Variants in RIMS2 observed in about 807,000 individuals in gnomAD.
RIMS2 encodes the protein regulating synaptic membrane exocytosis protein 2.
RIMS2 carries 59 observed loss-of-function variants against 174.4 expected under a neutral mutation model. The observed-to-expected ratio is 0.34, with a 90% CI of 0.27 to 0.42. RIMS2 has a LOEUF of 0.42. Ranked by LOEUF, RIMS2 falls within the 10% of genes least tolerant of loss-of-function variation. RIMS2 has a pLI of 1.00. For missense variants in RIMS2, 1,620 were observed against 1,666.3 expected, an observed-to-expected ratio of 0.97 and a Z score of 0.48; for synonymous variants, 606 against 572.5, an observed-to-expected ratio of 1.06 and a Z score of -0.84.
At chr8:103,507,626 T>A (rs1824306650) in intron 1 of RIMS2, among the ~76,000 whole-genome samples, 2 of 152,110 alleles carry the variant, frequency 1.3e-5, no homozygotes, top group Admixed American at 6.6e-5. Context: ...ATTTTGCTTA[T>A]TTTACATGGA....
intron 15 of RIMS2, among the ~76,000 whole-genome samples, chr8:103,961,974 T>G (rs956177197): frequency 6.6e-6 from 1 of 152,162 alleles, no homozygotes; most frequent in Non-Finnish European, 1.5e-5. Flanking sequence ...ATACTCTTCA[T>G]GTATTGTGGT....
At chr8:103,550,904 A>T (rs1422787303) in intron 1 of RIMS2, among the ~76,000 whole-genome samples, 2 of 152,360 alleles carry the variant, frequency 1.3e-5, no homozygotes, top group South Asian at 2.1e-4. Context: ...ACCAGGAAGA[A>T]GTTGAATCCC....
chr8:103,793,029 C>T, intron 3 of RIMS2, among the ~76,000 whole-genome samples: 1 of 152,158 alleles, frequency 6.6e-6, no homozygotes, highest in East Asian at 1.9e-4. Flanking sequence ...ACCATTCCTT[C>T]TGAAACTATT....
chr8:104,251,972 A>G, downstream of RIMS2: 3 of 616,390 alleles, frequency 4.9e-6, no homozygotes, highest in Non-Finnish European at 5.7e-6. Context: ...TCTCAGAGGA[A>G]GTTGCACACA....
chr8:103,572,381 A>G (rs180951338), intron 1 of RIMS2, among the ~76,000 whole-genome samples: 1 of 150,082 alleles, frequency 6.7e-6, no homozygotes, highest in African/African-American at 2.5e-5. Flanking sequence ...CAGAGCACTG[A>G]TTGGTCCATT....
At chr8:104,099,962 G>T (rs766576738) in intron 19 of RIMS2, among the ~76,000 whole-genome samples, 1 of 151,554 alleles carries the variant, frequency 6.6e-6, no homozygotes, top group Non-Finnish European at 1.5e-5. Context: ...TGACTACAGG[G>T]TCACGCCATC....
chr8:103,860,582 A>T (rs969452231), intron 3 of RIMS2, among the ~76,000 whole-genome samples: 13 of 152,190 alleles, frequency 8.5e-5, no homozygotes, highest in Admixed American at 3.9e-4. Context: ...AGCAAATAGT[A>T]CATATTCAAT....
At chr8:103,598,269 A>T (rs74452169) in intron 1 of RIMS2, among the ~76,000 whole-genome samples, 3,390 of 152,226 alleles carry the variant, frequency 0.022, 61 homozygotes, top group Middle Eastern at 0.065. Flanking sequence ...TAATTTAGTA[A>T]AACTACTATA....
intron 15 of RIMS2, among the ~76,000 whole-genome samples, chr8:103,965,504 C>T (rs1249356494): frequency 6.6e-6 from 1 of 152,092 alleles, no homozygotes; most frequent in East Asian, 1.9e-4. Context: ...TACAACATTT[C>T]TATAATCACT....
chr8:103,899,812 G>T (rs1179827548), intron 4 of RIMS2, among the ~76,000 whole-genome samples: 2 of 151,660 alleles, frequency 1.3e-5, no homozygotes, highest in Admixed American at 6.5e-5. Context: ...TGTCCTGAAT[G>T]GTATTACCTA....
At chr8:104,165,643 C>T (rs949845371) in intron 19 of RIMS2, among the ~76,000 whole-genome samples, 7 of 151,500 alleles carry the variant, frequency 4.6e-5, no homozygotes, top group African/African-American at 1.5e-4. Context: ...TCTGTCCTTG[C>T]TATCAACTGC....
chr8:103,758,509 A>C lies in RIMS2; in HGVS notation c.388-7718A>C, dbSNP rs547277280. ...ACAGCATTTTTTTCAGCTTTTTTTT[A>C]TTAATGAAGACGTGAACATGAATTT... is the stretch of plus-strand genomic sequence containing the variant. On this transcript the variant is annotated intron_variant, in intron 2 of 23. Coordinates refer to ENST00000504942, the Ensembl canonical transcript of RIMS2. 6.9e-4 allele frequency among the ~76,000 whole-genome samples: 105 copies of C among 152,058 alleles called. 1 individual carries two copies. The highest frequency in any genetic ancestry group is 2.2e-3 in the African/African-American group (93 of 41,470).
intron 13 of RIMS2, among the ~76,000 whole-genome samples, chr8:103,938,831 A>G (rs1321007575): frequency 6.6e-6 from 1 of 152,210 alleles, no homozygotes; most frequent in Non-Finnish European, 1.5e-5. Context: ...ACAAAGCCCC[A>G]TGCAAGTCTG....
intron 1 of RIMS2, among the ~76,000 whole-genome samples, chr8:103,516,662 T>C (rs960707325): frequency 6.6e-6 from 1 of 152,180 alleles, no homozygotes; most frequent in African/African-American, 2.4e-5. Flanking sequence ...CAATGTAGTA[T>C]TCCTACATAC....
chr8:104,168,299 T>C (rs1018460327), intron 19 of RIMS2, among the ~76,000 whole-genome samples: 7 of 152,204 alleles, frequency 4.6e-5, no homozygotes, highest in Admixed American at 1.3e-4. Context: ...TTCATGAGCA[T>C]GGGTTGTGTT....
At chr8:103,915,419 G>T in intron 6 of RIMS2, 76 bp from the exon 10 acceptor site, 1 of 746,374 alleles carries the variant, frequency 1.3e-6, no homozygotes, top group African/African-American at 1.8e-5. Context: ...ATTGTTCTAG[G>T]TATTCTTTTA....
At chr8:103,712,439 A>C (rs1033573947) in intron 2 of RIMS2, among the ~76,000 whole-genome samples, 8 of 152,162 alleles carry the variant, frequency 5.3e-5, no homozygotes, top group African/African-American at 1.7e-4. Flanking sequence ...GGTTGTTGGT[A>C]CATCTACATA....
chr8:104,138,427 C>T (rs769100348), intron 19 of RIMS2, among the ~76,000 whole-genome samples: 4 of 152,090 alleles, frequency 2.6e-5, no homozygotes, highest in African/African-American at 4.8e-5. Context: ...TGCACATTCT[C>T]GCCAGCATTC....
chr8:103,876,864 T>TTATATATATA lies in RIMS2; in HGVS notation c.699-8397_699-8388dup, dbSNP rs199997824. ...TGTATATATACACACACACACTATT[T>TTATATATATA]TATATATATATATATATATATATAT... On this transcript the variant is annotated intron_variant, in intron 3 of 23. Coordinates refer to ENST00000504942, the Ensembl canonical transcript of RIMS2. 6.0e-3 allele frequency among the ~76,000 whole-genome samples: 403 copies of TTATATATATA among 67,630 alleles called. 9 individuals carry two copies. The highest frequency in any genetic ancestry group is 0.01 in the East Asian group (16 of 1,544). The allele number at this position is 67,630 out of a possible 152,430, so 44.4% of individuals were successfully genotyped here.
Sources: gnomAD v4.1 joint callset for allele counts (sites outside exome capture counted in the v4.1 genomes callset) on GRCh38, gnomAD v4.1.1 for gene constraint, MANE v1.5 for transcripts, NCBI Gene and HGNC (gene_info 2026-07-23, HGNC 2026-07-21) for gene names.